The following ADAMTS8 variants were observed in gnomAD, a reference collection of about 807,000 sequenced individuals.
The protein encoded by ADAMTS8 is ADAM metallopeptidase with thrombospondin type 1 motif 8, also known as A disintegrin and metalloproteinase with thrombospondin motifs 8.
A neutral mutation model predicts 64.4 loss-of-function variants in ADAMTS8; 50 were observed. That is an observed-to-expected ratio of 0.78 (90% CI 0.62 to 0.98). The LOEUF is 0.98. Ranked by LOEUF, ADAMTS8 falls within the 50% of genes least tolerant of loss-of-function variation. ADAMTS8 has a pLI of 0.00. For synonymous variants in ADAMTS8, 556 were observed against 533.6 expected (o/e 1.04, Z -0.58); for missense variants, 1,192 against 1,208.2 (o/e 0.99, Z 0.20).
At chr11:130,420,157 C>T (rs1223194926) in intron 1 of ADAMTS8, among the ~76,000 whole-genome samples, 1 of 152,232 alleles carries the variant, frequency 6.6e-6, no homozygotes, top group Non-Finnish European at 1.5e-5. Flanking sequence ...TCTGCCTGGA[C>T]AGCCCCGAAG....
intron 6 of ADAMTS8, 121 bp from the exon 7 acceptor site, chr11:130,409,061 G>C: frequency 1.7e-6 from 2 of 1,146,788 alleles, no homozygotes; most frequent in Non-Finnish European, 2.4e-6. Flanking sequence ...CAACCCAGGC[G>C]CCCAGGGCCA....
chr11:130,427,470 TTTTTC>T lies in ADAMTS8; in HGVS notation c.720+92_720+96del. Reference sequence around the variant, plus strand: ...GGAGGGCTTTTTTTTTTTTTTTTTTTTTTTCTCAGAGGGATTGGAAGGGGAGATTT... The same window carrying T: ...GGAGGGCTTTTTTTTTTTTTTTTTTTTCAGAGGGATTGGAAGGGGAGATTT... On this transcript the variant is annotated intron_variant, in intron 1 of 8. Coordinates refer to ENST00000257359, the MANE Select transcript of ADAMTS8 (RefSeq NM_007037.6). 6 of 1,114,902 alleles carry T rather than the reference TTTTTC, an allele frequency of 5.4e-6. No individual in the cohort carries two copies. The South Asian group carries it at 6.4e-5, about 12-fold the overall frequency. The allele number at this position is 1,114,902 out of a possible 1,614,324, so 69.1% of individuals were successfully genotyped here.
chr11:130,413,029 CT>C (rs1276097860), intron 5 of ADAMTS8, among the ~76,000 whole-genome samples: 1 of 152,124 alleles, frequency 6.6e-6, no homozygotes, highest in Non-Finnish European at 1.5e-5. Flanking sequence ...TGCCACCACA[CT>C]TGGCTAATTG....
chr11:130,405,641 A>T lies in ADAMTS8; in HGVS notation c.2587T>A (p.Ser863Thr), dbSNP rs999093985. 2 of 1,613,972 alleles carry T rather than the reference A, an allele frequency of 1.2e-6. No homozygotes were observed. The highest frequency in any genetic ancestry group is 1.7e-6 in the Non-Finnish European group (2 of 1,179,958). The change falls in exon 9 of 9, where the codon TCC (serine) becomes ACC (threonine). Residue 863 changes from serine to threonine, a missense_variant. By Grantham distance (58) the Ser-to-Thr change is moderately conservative. Around this residue, in one of 5 missense-constraint regions of ADAMTS8, gnomAD observed 147 missense variants for 154.1 expected, o/e 0.95. Transcript: ENST00000257359. ...QRRTVECRDP[S>T]GQASATCNKA... ...TTGCAGGTGGCAGAGGCCTGGCCGG[A>T]GGGGTCCCTGCACTCTACAGTTCGC...
chr11:130,413,913 C>T (rs1002700016), intron 5 of ADAMTS8, among the ~76,000 whole-genome samples: 1 of 152,252 alleles, frequency 6.6e-6, no homozygotes, highest in East Asian at 1.9e-4. Flanking sequence ...GTCTCCACCC[C>T]GCTCACCAAT....
At chr11:130,415,394 C>T (rs866918625) in intron 4 of ADAMTS8, among the ~76,000 whole-genome samples, 5 of 152,092 alleles carry the variant, frequency 3.3e-5, no homozygotes, top group Admixed American at 6.5e-5. Flanking sequence ...ACCTCCACCT[C>T]CCGGGTTCAA....
Position 130,425,407 on chromosome 11 carries a change from T to G in ADAMTS8, c.720+2160A>C, listed in dbSNP as rs371097042. ...GCGTCCAGGTGATCAGCTGAGAGAG[T>G]GAGACAGTCTGGCCCTGAAGGCTGA... On this transcript the variant is annotated intron_variant, in intron 1 of 8. Transcript: ENST00000257359. 3.3e-5 allele frequency among the ~76,000 whole-genome samples: 5 copies of G among 151,940 alleles called. No individual in the cohort carries two copies. The East Asian group carries it at 5.8e-4, about 18-fold the overall frequency.
At chr11:130,414,268 C>T (rs7120266) in intron 5 of ADAMTS8, among the ~76,000 whole-genome samples, 9,495 of 151,642 alleles carry the variant, frequency 0.063, 904 homozygotes, top group African/African-American at 0.2. Flanking sequence ...GGACTACAAG[C>T]GTGAGTCACC....
rs1861955336 is a variant in ADAMTS8 at position 130,411,689 on chromosome 11, T to G, written c.1567-89A>C. On this transcript the variant is annotated intron_variant, in intron 5 of 8. Coordinates refer to ENST00000257359, the MANE Select transcript of ADAMTS8 (RefSeq NM_007037.6). The surrounding 1 kb of genome is among the most constrained non-coding windows in gnomAD (Gnocchi z 4.2). The stretch of plus-strand genomic sequence containing the variant: ...CTGGGTGGCCAATGCCCTGGCTTCC[T>G]CATCTAGTCATTATCATCTTGGTGC... The G allele has an allele frequency of 1.5e-6, 2 of 1,316,458 alleles. No homozygotes were observed. The highest frequency in any genetic ancestry group is 2.1e-6 in the Non-Finnish European group (2 of 940,288). 81.5% of individuals were successfully genotyped at this position (1,316,458 alleles called of 1,614,324 possible). A position where few individuals can be genotyped will look rare whatever the true frequency, so the allele number is the denominator to read the frequency against.
chr11:130,405,654 C>A lies in ADAMTS8; in HGVS notation c.2574G>T (p.Glu858Asp). The change falls in exon 9 of 9, where the codon GAG becomes GAT. Residue 858 changes from glutamate (E) to aspartate (D), a missense_variant. Physicochemically the swap from Glu to Asp is conservative, Grantham distance 45 (BLOSUM62 2). Coordinates refer to ENST00000257359, the MANE Select transcript of ADAMTS8 (RefSeq NM_007037.6). Reference protein sequence around the residue: ...CGAGWQRRTVECRDPSGQASA... With the variant: ...CGAGWQRRTVDCRDPSGQASA... Reference sequence around the variant, plus strand: ...AGGCCTGGCCGGAGGGGTCCCTGCACTCTACAGTTCGCCTCTGCCAGCCGG... The same window carrying A: ...AGGCCTGGCCGGAGGGGTCCCTGCAATCTACAGTTCGCCTCTGCCAGCCGG... 6.2e-7 allele frequency: 1 copy of A among 1,614,136 alleles called. No homozygotes were observed. The highest frequency in any genetic ancestry group is 8.5e-7 in the Non-Finnish European group (1 of 1,180,010).
In ADAMTS8 at chr11:130,409,653, T is replaced by C. The variant is rs139472776; in HGVS notation, c.1751-713A>G. On this transcript the variant is annotated intron_variant, in intron 6 of 8. Transcript: ENST00000257359. ...GTGATTTAAAACGATGGCATCCCAC[T>C]CTCACCACCACAAGCCCAGGCCTGC... Among the ~76,000 whole-genome samples the C allele has an allele frequency of 4.3e-3, 651 of 152,340 alleles. 3 individuals are homozygous for C. The highest frequency in any genetic ancestry group is 8.6e-3 in the African/African-American group (356 of 41,594).
In ADAMTS8 at chr11:130,411,691, A is replaced by T. The variant is rs1030198720; in HGVS notation, c.1567-91T>A. 7.6e-7 allele frequency: 1 copy of T among 1,317,648 alleles called. No homozygotes were observed. Among genetic ancestry groups the T allele is most frequent in the Non-Finnish European group, 1.1e-6 (1 of 941,218 alleles). The allele number at this position is 1,317,648 out of a possible 1,614,324, so 81.6% of individuals were successfully genotyped here. On this transcript the variant is annotated intron_variant, in intron 5 of 8. Coordinates refer to ENST00000257359, the MANE Select transcript of ADAMTS8 (RefSeq NM_007037.6). This position sits in a 1 kb window ranked among gnomAD's most constrained non-coding sequence, Gnocchi z 4.2. Reference sequence around the variant, plus strand: ...GGGTGGCCAATGCCCTGGCTTCCTCATCTAGTCATTATCATCTTGGTGCAT... The same window carrying T: ...GGGTGGCCAATGCCCTGGCTTCCTCTTCTAGTCATTATCATCTTGGTGCAT...
At chr11:130,421,974 C>A (rs1390286218) in intron 1 of ADAMTS8, among the ~76,000 whole-genome samples, 3 of 152,240 alleles carry the variant, frequency 2.0e-5, no homozygotes, top group Non-Finnish European at 4.4e-5. Flanking sequence ...GCAGAGCAGC[C>A]GCCCCCCAAA....
intron 8 of ADAMTS8, among the ~76,000 whole-genome samples, chr11:130,406,965 G>A (rs542213728): frequency 6.6e-6 from 1 of 152,182 alleles, no homozygotes; most frequent in East Asian, 1.9e-4. Context: ...CAGACTCTTA[G>A]AGTGTCCACA....
rs1194290854 is a variant in ADAMTS8 at position 130,414,692 on chromosome 11, G to A, written c.1405C>T (p.Gln469Ter). 3 of 1,613,872 alleles carry A rather than the reference G, an allele frequency of 1.9e-6. No homozygotes were observed. The highest frequency in any genetic ancestry group is 2.5e-6 in the Non-Finnish European group (3 of 1,180,040). ...DFRHCPNTSA[Q>*]DVCAQLWCHT... ...CACCAAAGCTGGGCGCAGACGTCCT[G>A]AGCAGAGGTGTTGGGGCAGTGGCGG... The change falls in exon 5 of 9, where the codon CAG (glutamine) becomes TAG (stop). Residue 469 changes from glutamine (Q) to a stop codon, truncating the protein, a stop_gained. Transcript: ENST00000257359. LOFTEE classifies it high-confidence loss of function.
chr11:130,407,495 A>G (rs1364242365), intron 8 of ADAMTS8, among the ~76,000 whole-genome samples: 1 of 152,204 alleles, frequency 6.6e-6, no homozygotes, highest in Admixed American at 6.5e-5. Flanking sequence ...ACACACACAC[A>G]CACACAGAAT....
intron 5 of ADAMTS8, among the ~76,000 whole-genome samples, chr11:130,414,052 GT>G (rs34035393): frequency 0.42 from 63,122 of 151,414 alleles, 13,855 homozygotes; most frequent in East Asian, 0.54. Flanking sequence ...ATATGCTTTG[GT>G]TTGTTTGTTA....
Position 130,428,103 on chromosome 11 carries a change from T to C in ADAMTS8, c.184A>G (p.Lys62Glu), listed in dbSNP as rs1862202909. The C allele has an allele frequency of 2.0e-6, 3 of 1,532,840 alleles. No homozygotes were observed. The highest frequency in any genetic ancestry group is 1.9e-5 in the Admixed American group (1 of 51,948). 95.0% of individuals were successfully genotyped at this position (1,532,840 alleles called of 1,614,324 possible). A position where few individuals can be genotyped will look rare whatever the true frequency, so the allele number is the denominator to read the frequency against. Reference sequence around the variant, plus strand: ...GGCGCCAGGCGCAGCACGAAGCCCTTGCCGAAGGCGGACAGGTGGAGCGCG... The same window carrying C: ...GGCGCCAGGCGCAGCACGAAGCCCTCGCCGAAGGCGGACAGGTGGAGCGCG... ...ELALHLSAFG[K>E]GFVLRLAPDD... The change falls in exon 1 of 9, where the codon AAG becomes GAG. Residue 62 changes from lysine to glutamate, a missense_variant. Coordinates refer to ENST00000257359, the MANE Select transcript of ADAMTS8 (RefSeq NM_007037.6).
intron 1 of ADAMTS8, among the ~76,000 whole-genome samples, chr11:130,423,391 G>GC (rs1159894777): frequency 6.6e-6 from 1 of 152,290 alleles, no homozygotes; most frequent in Non-Finnish European, 1.5e-5. Flanking sequence ...TAGCCACAGA[G>GC]CAGGGGGGGG....
Sources: allele counts gnomAD v4.1 joint callset (sites outside exome capture counted in the v4.1 genomes callset), GRCh38; gene constraint gnomAD v4.1.1; regional missense constraint gnomAD v4.1.1; non-coding constraint Gnocchi (gnomAD v3.1); transcripts MANE v1.5; gene names NCBI Gene and HGNC (gene_info 2026-07-23, HGNC 2026-07-21).